The following DDX43 variants were observed in gnomAD, a reference collection of about 807,000 sequenced individuals.
DDX43 encodes DEAD-box helicase 43.
DDX43 carries 50 observed loss-of-function variants against 84.9 expected under a neutral mutation model. The ratio of observed to expected loss-of-function variants is 0.59; its 90% CI spans 0.47 to 0.75. DDX43 has a LOEUF of 0.75. Ranked by LOEUF, DDX43 falls within the 30% of genes least tolerant of loss-of-function variation. The pLI is 0.00. For synonymous variants in DDX43, 291 were observed against 266.3 expected (o/e 1.09, Z -0.90); for missense variants, 689 against 798.6 (o/e 0.86, Z 1.65).
intron 11 of DDX43, among the ~76,000 whole-genome samples, chr6:73,412,638 A>ATAGTGTGTGC (rs376258603): frequency 1.7e-5 from 1 of 59,634 alleles, no homozygotes. Flanking sequence ...ATATATATAT[A>ATAGTGTGTGC]GTGTGTGTGT....
rs759428714 is a variant in DDX43, at chr6:73,409,382, G to A, written c.1280+34G>A. ...ATGCTTAATTACTGTGTGCAGAATA[G>A]AAATCAGTGGAATAGAATCTCATTC... On this transcript the variant is annotated intron_variant, in intron 10 of 16. Coordinates refer to ENST00000370336, the MANE Select transcript of DDX43 (RefSeq NM_018665.3). The A allele has an allele frequency of 2.1e-6, 3 of 1,454,152 alleles. No individual in the cohort carries two copies. In the African/African-American group the frequency reaches 4.2e-5, roughly 20 times the overall value. 90.1% of individuals were successfully genotyped at this position (1,454,152 alleles called of 1,614,324 possible).
Position 73,414,582 on chromosome 6 carries a change from C to G in DDX43, c.1641C>G (p.Ala547=). 1 of 1,613,228 alleles carries G rather than the reference C, an allele frequency of 6.2e-7. No individual in the cohort carries two copies. Among genetic ancestry groups the G allele is most frequent in the Non-Finnish European group, 8.5e-7 (1 of 1,179,396 alleles). Residue 547 remains alanine, a synonymous_variant, in exon 14 of 17, where the codon GCC becomes GCG. Coordinates refer to ENST00000370336, the MANE Select transcript of DDX43 (RefSeq NM_018665.3). ...GAATACTAATTGCAACTGATCTAGC[C>G]TCTAGAGGACTTGATGTCCATGACG... The part of the protein sequence containing the change: ...KVRILIATDL[A]SRGLDVHDVT...
Position 73,414,899 on chromosome 6 carries a change from A to G in DDX43, c.1745+213A>G, listed in dbSNP as rs116345381. 1.1e-3 allele frequency among the ~76,000 whole-genome samples: 174 copies of G among 152,090 alleles called. No individual in the cohort carries two copies. The East Asian group carries it at 0.02, about 17-fold the overall frequency. Reference sequence around the variant, plus strand: ...TGATTAGCTTCTTATATCTGGTTCTATGTGTTTTATATCTAGTGTCACCGC... The same window carrying G: ...TGATTAGCTTCTTATATCTGGTTCTGTGTGTTTTATATCTAGTGTCACCGC... On this transcript the variant is annotated intron_variant, in intron 14 of 16. Transcript: ENST00000370336.
Position 73,404,753 on chromosome 6 carries a change from T to C in DDX43, c.632T>C (p.Val211Ala). Residue 211 changes from valine to alanine, a missense_variant, in exon 5 of 17, where the codon GTA becomes GCA. By Grantham distance (64) the Val-to-Ala change is moderately conservative (BLOSUM62 0). This residue lies in a region of DDX43 where 552 missense variants were observed against 692.7 expected (regional missense o/e 0.80). Transcript: ENST00000370336. ...ACTGCCACAAGTGCCATGTCAAAAGTAGAAGCAGATAGTTGGAGGTGGGTA... is the reference window on the plus strand; with the variant it reads ...ACTGCCACAAGTGCCATGTCAAAAGCAGAAGCAGATAGTTGGAGGTGGGTA... ...ESTATSAMSK[V>A]EADSWRKENF... 2 of 1,612,820 alleles carry C rather than the reference T, an allele frequency of 1.2e-6. No individual in the cohort carries two copies. The highest frequency in any genetic ancestry group is 1.7e-6 in the Non-Finnish European group (2 of 1,179,472).
rs1478729670 is a variant in DDX43 at position 73,414,620 on chromosome 6, A to G, written c.1679A>G (p.Tyr560Cys). 2 of 1,613,872 alleles carry G rather than the reference A, an allele frequency of 1.2e-6. No homozygotes were observed. Among genetic ancestry groups the G allele is most frequent in the Non-Finnish European group, 1.7e-6 (2 of 1,179,810 alleles). The change falls in exon 14 of 17, where the codon TAT becomes TGT. Residue 560 changes from tyrosine to cysteine, a missense_variant. Physicochemically the swap from Tyr to Cys is radical, Grantham distance 194. Around this residue, in one of 2 missense-constraint regions of DDX43, gnomAD observed 552 missense variants for 692.7 expected, o/e 0.80. Coordinates refer to ENST00000370336, the MANE Select transcript of DDX43 (RefSeq NM_018665.3). ...GATGTCCATGACGTTACACATGTCT[A>G]TAATTTTGACTTTCCACGGAATATT... ...GLDVHDVTHVYNFDFPRNIEE... is the reference protein window; with the variant it reads ...GLDVHDVTHVCNFDFPRNIEE...
At chr6:73,396,718 A>T (rs1166051924) in intron 1 of DDX43, among the ~76,000 whole-genome samples, 1 of 152,210 alleles carries the variant, frequency 6.6e-6, no homozygotes, top group African/African-American at 2.4e-5. Flanking sequence ...ATACTCATTG[A>T]ACAGCTCCCC....
At chr6:73,413,197 C>A (rs1225030425) in intron 11 of DDX43, among the ~76,000 whole-genome samples, 1 of 151,988 alleles carries the variant, frequency 6.6e-6, no homozygotes, top group African/African-American at 2.4e-5. Flanking sequence ...ATATAAAGTT[C>A]TCTTTCTGGC....
At chr6:73,414,125 A>G in intron 13 of DDX43, 46 bp downstream of exon 13, 2 of 1,209,602 alleles carry the variant, frequency 1.7e-6, no homozygotes, top group South Asian at 1.2e-5. Context: ...AATTAGTGCA[A>G]TACCTGGGCT....
At chr6:73,401,534 G>A (rs781377563) in intron 3 of DDX43, among the ~76,000 whole-genome samples, 9 of 152,180 alleles carry the variant, frequency 5.9e-5, no homozygotes, top group Non-Finnish European at 1.3e-4. Context: ...CAGGCATGGT[G>A]GCTCACGCCT....
rs1389615602 is a variant in DDX43 at position 73,412,666 on chromosome 6, T to TGCGC, written c.1368+375_1368+376insCGCG. Reference sequence around the variant, plus strand: ...GTGTGTGTGTGTGTGTGTGTGTGTGTGTGCGCGCGCGCGTGTGTGTGTGTG... The same window carrying TGCGC: ...GTGTGTGTGTGTGTGTGTGTGTGTGTGCGCGTGCGCGCGCGCGTGTGTGTGTGTG... On this transcript the variant is annotated intron_variant, in intron 11 of 16. Transcript: ENST00000370336. Among the ~76,000 whole-genome samples, 231 of 84,344 alleles carry TGCGC rather than the reference T, an allele frequency of 2.7e-3. 8 individuals are homozygous for TGCGC. Among genetic ancestry groups the TGCGC allele is most frequent in the Non-Finnish European group, 3.5e-3 (146 of 41,372 alleles). 55.3% of individuals were successfully genotyped at this position (84,344 alleles called of 152,430 possible).
intron 4 of DDX43, among the ~76,000 whole-genome samples, chr6:73,404,403 T>C (rs1175338406): frequency 1.3e-5 from 2 of 152,018 alleles, no homozygotes; most frequent in African/African-American, 4.8e-5. Context: ...ACCAGGCTAA[T>C]CTTTAAAAAT....
chr6:73,406,302 G>A (rs890455926), intron 6 of DDX43, 62 bp from the exon 7 acceptor site: 29 of 1,239,788 alleles, frequency 2.3e-5, no homozygotes, highest in Admixed American at 9.0e-5. Flanking sequence ...GATTACAGGC[G>A]TGAGCCACTG....
intron 7 of DDX43, 89 bp from the exon 8 acceptor site, chr6:73,407,416 G>T: frequency 1.1e-6 from 1 of 924,516 alleles, no homozygotes; most frequent in Non-Finnish European, 1.7e-6. Context: ...ACCACGTCTG[G>T]CTTGTTGCTA....
Position 73,401,889 on chromosome 6 carries a change from A to T in DDX43, c.467A>T (p.Asp156Val). 1 of 1,613,772 alleles carries T rather than the reference A, an allele frequency of 6.2e-7. No individual in the cohort carries two copies. Among genetic ancestry groups the T allele is most frequent in the Non-Finnish European group, 8.5e-7 (1 of 1,179,872 alleles). The change falls in exon 4 of 17, where the codon GAT becomes GTT. Residue 156 changes from aspartate (D) to valine (V), a missense_variant. Around this residue, in one of 2 missense-constraint regions of DDX43, gnomAD observed 552 missense variants for 692.7 expected, o/e 0.80. Transcript: ENST00000370336. ...GCATTCCAACCTTCTGTTGGAAAAGATGGAAGCACAGATAACAATGTTGTT... is the reference window on the plus strand; with the variant it reads ...GCATTCCAACCTTCTGTTGGAAAAGTTGGAAGCACAGATAACAATGTTGTT... ...DTAFQPSVGK[D>V]GSTDNNVVAG...
intron 14 of DDX43, 134 bp downstream of exon 14, chr6:73,414,820 C>T: frequency 1.3e-6 from 1 of 772,986 alleles, no homozygotes; most frequent in South Asian, 1.9e-5. Context: ...ATACTTGCTA[C>T]TTTATTTATC....
intron 13 of DDX43, among the ~76,000 whole-genome samples, 174 bp downstream of exon 13, chr6:73,414,253 T>C (rs1280236883): frequency 1.3e-5 from 2 of 152,214 alleles, no homozygotes; most frequent in Admixed American, 6.5e-5. Context: ...AAGTATTAAA[T>C]AAACACAAGA....
chr6:73,414,577 C>A lies in DDX43; in HGVS notation c.1636C>A (p.Leu546Ile), dbSNP rs750032823. ...GKVRILIATD[L>I]ASRGLDVHDV... is the part of the protein sequence containing the mutation. The stretch of plus-strand genomic sequence containing the variant: ...AGTGAGAATACTAATTGCAACTGAT[C>A]TAGCCTCTAGAGGACTTGATGTCCA... Residue 546 changes from leucine to isoleucine, a missense_variant, in exon 14 of 17, where the codon CTA (leucine) becomes ATA (isoleucine). By Grantham distance (5) the Leu-to-Ile change is conservative. Transcript: ENST00000370336. The A allele has an allele frequency of 6.2e-7, 1 of 1,613,280 alleles. No individual in the cohort carries two copies. Among genetic ancestry groups the A allele is most frequent in the Admixed American group, 1.7e-5 (1 of 59,934 alleles).
At chr6:73,404,154 T>C (rs111422347) in intron 4 of DDX43, among the ~76,000 whole-genome samples, 3,417 of 152,088 alleles carry the variant, frequency 0.022, 151 homozygotes, top group African/African-American at 0.078. Flanking sequence ...TCACTTTTGT[T>C]GCCCAGGCTG....
In DDX43 at chr6:73,405,753, C is replaced by T; in HGVS notation, c.725C>T (p.Thr242Ile). 6.2e-7 allele frequency: 1 copy of T among 1,614,102 alleles called. No homozygotes were observed. Among genetic ancestry groups the T allele is most frequent in the South Asian group, 1.1e-5 (1 of 91,076 alleles). ...EKRPIPNPTC[T>I]FDDAFQCYPE... ...CGACCTATCCCCAATCCTACCTGCACATTTGATGACGCCTTTCAATGTTAT... is the reference window on the plus strand; with the variant it reads ...CGACCTATCCCCAATCCTACCTGCATATTTGATGACGCCTTTCAATGTTAT... The change falls in exon 6 of 17, where the codon ACA (threonine) becomes ATA (isoleucine). Residue 242 changes from threonine to isoleucine, a missense_variant. Physicochemically the swap from Thr to Ile is moderately conservative, Grantham distance 89 (BLOSUM62 -1). Around this residue, in one of 2 missense-constraint regions of DDX43, gnomAD observed 552 missense variants for 692.7 expected, o/e 0.80. Transcript: ENST00000370336.
Sources: gnomAD v4.1 joint callset for allele counts (sites outside exome capture counted in the v4.1 genomes callset) on GRCh38, gnomAD v4.1.1 for gene constraint, gnomAD v4.1.1 regional missense constraint, MANE v1.5 for transcripts, NCBI Gene and HGNC (gene_info 2026-07-23, HGNC 2026-07-21) for gene names.